The following MARK2 variants were observed in gnomAD, a reference collection of about 807,000 sequenced individuals.
MARK2 encodes the protein serine/threonine-protein kinase MARK2.
In MARK2, 16 loss-of-function variants were observed where a neutral mutation model predicts 89.8. That is an observed-to-expected ratio of 0.18 (90% CI 0.12 to 0.27). The LOEUF is 0.27. Ranked by LOEUF, MARK2 falls within the 10% of genes least tolerant of loss-of-function variation. The pLI is 1.00. For synonymous variants in MARK2, 382 were observed against 399.5 expected (o/e 0.96, Z 0.52); for missense variants, 621 against 1,049.9 (o/e 0.59, Z 5.65).
At chr11:63,868,806 A>G in intron 1 of MARK2, 1 of 456,028 alleles carries the variant, frequency 2.2e-6, no homozygotes, top group South Asian at 1.5e-5. Context: ...CGTTGGAGAG[A>G]TCATGTGGTC....
chr11:63,878,136 T>TA (rs1221027506), intron 1 of MARK2, among the ~76,000 whole-genome samples: 1 of 152,206 alleles, frequency 6.6e-6, no homozygotes, highest in Non-Finnish European at 1.5e-5. Flanking sequence ...TTGCCCCTGT[T>TA]ATGTCAGGGT....
At chr11:63,850,334 T>A (rs1199721441) in intron 1 of MARK2, among the ~76,000 whole-genome samples, 1 of 138,716 alleles carries the variant, frequency 7.2e-6, no homozygotes. Context: ...TTTTTTTTTT[T>A]TTTTTTGGAT....
chr11:63,906,001 T>TC (rs1941295358), intron 16 of MARK2, 87 bp from the exon 17 acceptor site: 2 of 1,150,620 alleles, frequency 1.7e-6, no homozygotes, highest in Non-Finnish European at 2.2e-6. Context: ...TAAAGCCACC[T>TC]CCCCCACCTG....
chr11:63,890,710 G>A (rs1360894907), intron 1 of MARK2, among the ~76,000 whole-genome samples: 1 of 152,240 alleles, frequency 6.6e-6, no homozygotes, highest in Non-Finnish European at 1.5e-5. Context: ...TTGGAAGGTT[G>A]TTTTGACAGT....
chr11:63,892,590 C>T (rs528492904), intron 1 of MARK2, among the ~76,000 whole-genome samples: 14 of 152,130 alleles, frequency 9.2e-5, no homozygotes, highest in Admixed American at 2.6e-4. Context: ...CTTGAAGTTT[C>T]CAAGGCAGCT....
chr11:63,855,536 A>C (rs968776075), intron 1 of MARK2, among the ~76,000 whole-genome samples: 12 of 152,120 alleles, frequency 7.9e-5, no homozygotes, highest in Admixed American at 3.3e-4. Flanking sequence ...ACAAAAAAAA[A>C]AAAAAACAGT....
intron 1 of MARK2, chr11:63,868,694 A>G: frequency 4.5e-6 from 2 of 446,876 alleles, no homozygotes; most frequent in South Asian, 3.1e-5. Flanking sequence ...CCCTGACACC[A>G]ACGTGTCTGC....
At chr11:63,860,879 CA>C (rs1203566506) in intron 1 of MARK2, among the ~76,000 whole-genome samples, 1 of 151,124 alleles carries the variant, frequency 6.6e-6, no homozygotes, top group Non-Finnish European at 1.5e-5. Flanking sequence ...AAAACAAAAA[CA>C]AAAACTCATG....
intron 3 of MARK2, 38 bp downstream of exon 3, chr11:63,895,671 T>C (rs77968237): frequency 2.8e-5 from 14 of 503,188 alleles, no homozygotes; most frequent in Non-Finnish European, 2.7e-5. Context: ...TTTTTTTTTT[T>C]TTTTTTTTTT....
chr11:63,882,221 A>T (rs754529221), intron 1 of MARK2, among the ~76,000 whole-genome samples: 119 of 150,248 alleles, frequency 7.9e-4, no homozygotes, highest in Non-Finnish European at 8.3e-4. Context: ...CAAAATAATA[A>T]TTTTTTTTTT....
At chr11:63,878,974 T>A (rs1451257981) in intron 1 of MARK2, among the ~76,000 whole-genome samples, 1 of 152,180 alleles carries the variant, frequency 6.6e-6, no homozygotes, top group African/African-American at 2.4e-5. Flanking sequence ...ACTAATATGC[T>A]GCAACAGATT....
At position 63,839,140 on chromosome 11, in the gene MARK2, A is replaced by C. The variant is rs1257011511; in HGVS notation, c.-367A>C. On this transcript the variant is annotated 5_prime_UTR_variant, in exon 1 of 19. Transcript: ENST00000402010. ...TGGTGGCGGCCATGTTGGGAGCAGC[A>C]GGTCCGGCGGCGGCTGCCTGTGTGC... 1.0e-5 allele frequency: 2 copies of C among 193,108 alleles called. No homozygotes were observed. The highest frequency in any genetic ancestry group is 2.1e-5 in the Non-Finnish European group (2 of 96,124). The allele number at this position is 193,108 out of a possible 1,614,324, so 12.0% of individuals were successfully genotyped here. A position where few individuals can be genotyped will look rare whatever the true frequency, so the allele number is the denominator to read the frequency against.
chr11:63,906,311 C>T (rs750812477), intron 17 of MARK2, among the ~76,000 whole-genome samples, 197 bp downstream of exon 17: 4 of 152,170 alleles, frequency 2.6e-5, no homozygotes, highest in Non-Finnish European at 5.9e-5. Context: ...GCCTGCCCTC[C>T]GTGCCCCCAG....
At chr11:63,851,140 C>T (rs2016554502) in intron 1 of MARK2, among the ~76,000 whole-genome samples, 1 of 152,188 alleles carries the variant, frequency 6.6e-6, no homozygotes, top group Non-Finnish European at 1.5e-5. Context: ...ATTTCTGCTC[C>T]TGGGAATTTG....
In MARK2 at chr11:63,904,191, A is replaced by G; in HGVS notation, c.1676+44A>G. 2 of 1,477,418 alleles carry G rather than the reference A, an allele frequency of 1.4e-6. No individual in the cohort carries two copies. Among genetic ancestry groups the G allele is most frequent in the African/African-American group, 2.9e-5 (2 of 70,024 alleles). 91.5% of individuals were successfully genotyped at this position (1,477,418 alleles called of 1,614,324 possible). A position where few individuals can be genotyped will look rare whatever the true frequency, so the allele number is the denominator to read the frequency against. On this transcript the variant is annotated intron_variant, in intron 15 of 18. Transcript: ENST00000402010. This position sits in a 1 kb window ranked among gnomAD's most constrained non-coding sequence, Gnocchi z 6.3. The stretch of plus-strand genomic sequence containing the variant: ...CTGGTGCACCTGCTGCCCTCAGCCC[A>G]CCCTACCCCCTTGCCCCAACAATTT...
intron 1 of MARK2, among the ~76,000 whole-genome samples, chr11:63,862,785 T>C (rs1937880368): frequency 2.0e-5 from 3 of 152,142 alleles, no homozygotes; most frequent in African/African-American, 7.2e-5. Flanking sequence ...GATGGATTTC[T>C]AGGTTTGACT....
At chr11:63,858,532 T>C (rs1318578768) in intron 1 of MARK2, among the ~76,000 whole-genome samples, 1 of 152,006 alleles carries the variant, frequency 6.6e-6, no homozygotes, top group Non-Finnish European at 1.5e-5. Flanking sequence ...TTTTGTACTT[T>C]TAGTAGAGAT....
At chr11:63,901,692 C>CTGTGTGTGTG (rs56308004) in intron 11 of MARK2, among the ~76,000 whole-genome samples, 50 of 134,806 alleles carry the variant, frequency 3.7e-4, no homozygotes, top group Middle Eastern at 4.2e-3. Context: ...GTGTGTGTAT[C>CTGTGTGTGTG]TGTGTGTGTG....
intron 1 of MARK2, among the ~76,000 whole-genome samples, chr11:63,840,284 A>G (rs1244248742): frequency 4.6e-5 from 7 of 151,966 alleles, no homozygotes; most frequent in Non-Finnish European, 8.8e-5. Context: ...TCATGCGCAT[A>G]GTTTTCCCAC....
Sources: gnomAD v4.1 joint callset for allele counts (sites outside exome capture counted in the v4.1 genomes callset) on GRCh38, gnomAD v4.1.1 for gene constraint, Gnocchi (gnomAD v3.1) non-coding constraint, MANE v1.5 for transcripts, NCBI Gene and HGNC (gene_info 2026-07-23, HGNC 2026-07-21) for gene names.